The following GPBP1L1 variants were observed in gnomAD, a reference collection of about 807,000 sequenced individuals.
GPBP1L1 encodes GC-rich promoter binding protein 1 like 1.
A neutral mutation model predicts 52.5 loss-of-function variants in GPBP1L1; 23 were observed. The observed-to-expected ratio is 0.44, with a 90% CI of 0.32 to 0.62. The LOEUF (loss-of-function observed/expected upper bound fraction) is 0.62. GPBP1L1 is among the 20% of genes least tolerant of loss of function. GPBP1L1 has a pLI of 0.06. For synonymous variants in GPBP1L1, 243 were observed against 203.1 expected, an observed-to-expected ratio of 1.20 and a Z score of -1.67; for missense variants, 596 against 579.3, an observed-to-expected ratio of 1.03 and a Z score of -0.30.
chr1:45,659,895 T>G (rs1227301701), intron 3 of GPBP1L1, among the ~76,000 whole-genome samples: 2 of 152,078 alleles, frequency 1.3e-5, no homozygotes. Flanking sequence ...GAGCTGAGAT[T>G]GCACCACTGC....
At chr1:45,686,883 T>G (rs1645296697), upstream of GPBP1L1, 1 of 152,514 alleles carries the variant, frequency 6.6e-6, no homozygotes, top group African/African-American at 2.4e-5. Context: ...CCTTGCCCAC[T>G]TCCAGGGCCT....
chr1:45,657,859 G>T (rs936989154), intron 4 of GPBP1L1, among the ~76,000 whole-genome samples: 4 of 152,062 alleles, frequency 2.6e-5, no homozygotes, highest in Admixed American at 6.6e-5. Flanking sequence ...AAAAATAAAT[G>T]AGTAAAATAA....
At chr1:45,657,624 T>G (rs1569837102) in intron 4 of GPBP1L1, among the ~76,000 whole-genome samples, 1 of 152,040 alleles carries the variant, frequency 6.6e-6, no homozygotes, top group African/African-American at 2.4e-5. Context: ...GAGGCTGAGG[T>G]GACAGGATCG....
intron 7 of GPBP1L1, among the ~76,000 whole-genome samples, chr1:45,640,769 G>C (rs116220890): frequency 0.011 from 1,694 of 152,282 alleles, 32 homozygotes; most frequent in African/African-American, 0.038. Flanking sequence ...AGCACTTGGA[G>C]GTGCTGAGGT....
chr1:45,668,713 C>A (rs1455420787), intron 2 of GPBP1L1, among the ~76,000 whole-genome samples: 2 of 152,160 alleles, frequency 1.3e-5, no homozygotes, highest in Non-Finnish European at 2.9e-5. Context: ...ACATATTAGG[C>A]TGAACAAATG....
intron 6 of GPBP1L1, among the ~76,000 whole-genome samples, chr1:45,643,638 G>A (rs1644702356): frequency 6.8e-6 from 1 of 146,696 alleles, no homozygotes; most frequent in Non-Finnish European, 1.5e-5. Context: ...TTACGATCTG[G>A]TAACAGGGTA....
rs1297659966 is a variant in GPBP1L1 at position 45,642,524 on chromosome 1, T to C, written c.478-25A>G. 5 of 1,587,602 alleles carry C rather than the reference T, an allele frequency of 3.1e-6. No individual in the cohort carries two copies. The African/African-American group carries it at 4.0e-5, about 13-fold the overall frequency. ...GCTAGGAAAAAAGGGATATGAATGGTTGATACAGAAAGCTGATCATTTTGG... is the reference window on the plus strand; with the variant it reads ...GCTAGGAAAAAAGGGATATGAATGGCTGATACAGAAAGCTGATCATTTTGG... On this transcript the variant is annotated intron_variant, in intron 6 of 12. Transcript: ENST00000355105.
chr1:45,638,715 G>C (rs879780329), intron 8 of GPBP1L1, among the ~76,000 whole-genome samples: 2 of 152,170 alleles, frequency 1.3e-5, no homozygotes, highest in African/African-American at 4.8e-5. Context: ...CAAGGTGGGA[G>C]GATGGCTTGA....
chr1:45,628,452 A>G (rs754822256), intron 12 of GPBP1L1, 44 bp from the exon 13 acceptor site: 9 of 1,588,764 alleles, frequency 5.7e-6, no homozygotes, highest in Middle Eastern at 1.7e-4. Context: ...AAAAATATCA[A>G]TGACTGTACT....
intron 2 of GPBP1L1, among the ~76,000 whole-genome samples, chr1:45,672,322 A>G (rs1645083514): frequency 6.7e-6 from 1 of 149,226 alleles, no homozygotes; most frequent in Non-Finnish European, 1.5e-5. Flanking sequence ...AGATTGTGCC[A>G]CTGCATTCCA....
rs66502921 is a variant in GPBP1L1 at position 45,663,050 on chromosome 1, C to CAAAAAAAAAAAA, written c.-1097-1837_-1097-1826dup. ...TGGGTGACAGAGCCAGACTCTGTCT[C>CAAAAAAAAAAAA]AAAAAAAAAAAAAAGCAAAAAACCC... On this transcript the variant is annotated intron_variant, in intron 2 of 12. Coordinates refer to ENST00000355105, the MANE Select transcript of GPBP1L1 (RefSeq NM_021639.5). Among the ~76,000 whole-genome samples, 441 of 116,786 alleles carry CAAAAAAAAAAAA rather than the reference C, an allele frequency of 3.8e-3. 8 individuals carry two copies. Among genetic ancestry groups the CAAAAAAAAAAAA allele is most frequent in the South Asian group, 0.011 (35 of 3,096 alleles). 76.6% of individuals were successfully genotyped at this position (116,786 alleles called of 152,430 possible).
Position 45,654,437 on chromosome 1 carries a change from A to G in GPBP1L1, c.477+106T>C, listed in dbSNP as rs1026840839. 4 of 1,142,414 alleles carry G rather than the reference A, an allele frequency of 3.5e-6. No individual in the cohort carries two copies. In the African/African-American group the frequency reaches 4.7e-5, roughly 13 times the overall value. The allele number at this position is 1,142,414 out of a possible 1,614,324, so 70.8% of individuals were successfully genotyped here. ...AAAACAATAAAAACCTCAACTTACAAATTCCTTTTTCTGTAATTTCTGAAA... is the reference window on the plus strand; with the variant it reads ...AAAACAATAAAAACCTCAACTTACAGATTCCTTTTTCTGTAATTTCTGAAA... On this transcript the variant is annotated intron_variant, in intron 6 of 12. Transcript: ENST00000355105.
chr1:45,646,987 T>C (rs1020518914), intron 6 of GPBP1L1, among the ~76,000 whole-genome samples: 2 of 152,094 alleles, frequency 1.3e-5, no homozygotes, highest in Non-Finnish European at 2.9e-5. Context: ...TTTTTACCTA[T>C]GTATTTCTCC....
chr1:45,659,787 A>G (rs1426150306), intron 3 of GPBP1L1, among the ~76,000 whole-genome samples: 1 of 152,108 alleles, frequency 6.6e-6, no homozygotes, highest in Non-Finnish European at 1.5e-5. Flanking sequence ...AAAAATAATA[A>G]TAAAGGAGCC....
upstream of GPBP1L1, chr1:45,687,015 G>A (rs1645298471): frequency 6.6e-6 from 1 of 152,298 alleles, no homozygotes; most frequent in African/African-American, 2.4e-5. Context: ...TTGCAAACCG[G>A]TTTCGGAGGA....
intron 2 of GPBP1L1, among the ~76,000 whole-genome samples, chr1:45,678,167 T>A (rs1645169673): frequency 6.6e-6 from 1 of 152,218 alleles, no homozygotes; most frequent in Admixed American, 6.5e-5. Context: ...GAAGAATGAC[T>A]GGTAATGGTT....
At chr1:45,655,052 G>T (rs1022217908) in intron 5 of GPBP1L1, 138 bp downstream of exon 5, 1 of 1,126,668 alleles carries the variant, frequency 8.9e-7, no homozygotes, top group Non-Finnish European at 1.3e-6. Context: ...ATGTAGTTGC[G>T]TAATGACTAC....
chr1:45,642,402 C>CT (rs773279215), intron 7 of GPBP1L1, 25 bp downstream of exon 7: 37 of 1,572,502 alleles, frequency 2.4e-5, no homozygotes, highest in Non-Finnish European at 2.9e-5. Flanking sequence ...AAAGTTGTGC[C>CT]TTTAAAATGG....
chr1:45,642,270 A>G (rs996249649), intron 7 of GPBP1L1, among the ~76,000 whole-genome samples, 157 bp downstream of exon 7: 1 of 152,122 alleles, frequency 6.6e-6, no homozygotes, highest in Admixed American at 6.5e-5. Flanking sequence ...GCGGTGGGGT[A>G]GGGGGCAGAA....
Sources: gnomAD v4.1 joint callset for allele counts (sites outside exome capture counted in the v4.1 genomes callset) on GRCh38, gnomAD v4.1.1 for gene constraint, MANE v1.5 for transcripts, NCBI Gene and HGNC (gene_info 2026-07-23, HGNC 2026-07-21) for gene names.